The following ABCG1 variants were observed in gnomAD, a reference collection of about 807,000 sequenced individuals.
ABCG1 encodes ATP binding cassette subfamily G member 1.
A neutral mutation model predicts 69.2 loss-of-function variants in ABCG1; 29 were observed. The ratio of observed to expected loss-of-function variants is 0.42; its 90% CI spans 0.31 to 0.57. The LOEUF (loss-of-function observed/expected upper bound fraction) is 0.57. ABCG1 is among the 20% of genes least tolerant of loss of function. The pLI, the probability that ABCG1 is intolerant of heterozygous loss-of-function variation, is 0.15. For missense variants in ABCG1, 718 were observed against 898.1 expected (o/e 0.80, Z 2.56); for synonymous variants, 370 against 374.8 (o/e 0.99, Z 0.15).
At chr21:42,204,821 A>G (rs2067530949) in intron 2 of ABCG1, among the ~76,000 whole-genome samples, 1 of 152,188 alleles carries the variant, frequency 6.6e-6, no homozygotes, top group Non-Finnish European at 1.5e-5. Flanking sequence ...GATCAACTAT[A>G]GTATTTTTTA....
chr21:42,213,644 C>A (rs1309026259), upstream of ABCG1, among the ~76,000 whole-genome samples: 1 of 152,244 alleles, frequency 6.6e-6, no homozygotes, highest in Non-Finnish European at 1.5e-5. Context: ...CCCAGCAAAC[C>A]CATGTAGGAG....
At chr21:42,295,313 A>G in intron 14 of ABCG1, 1 of 123,276 alleles carries the variant, frequency 8.1e-6, no homozygotes, top group East Asian at 2.8e-4. Context: ...CCTAGGTGAC[A>G]GAGTGAGACT....
chr21:42,285,508 A>T (rs892836953), intron 7 of ABCG1, among the ~76,000 whole-genome samples: 2 of 151,280 alleles, frequency 1.3e-5, no homozygotes, highest in Admixed American at 1.3e-4. Context: ...CCTGTATCAA[A>T]AAAAAAAAAA....
At chr21:42,277,529 GGGAGCAGCAGAAAGCCACACAGAGGAA>G (rs1489377244) in intron 5 of ABCG1, among the ~76,000 whole-genome samples, 2 of 152,152 alleles carry the variant, frequency 1.3e-5, no homozygotes, top group Non-Finnish European at 2.9e-5. Context: ...CAGAGCCAGG[GGGAGCAGCAGAAAGCCACACAGAGGAA>G]GGAGGCCACC....
rs1189453107 is a variant in ABCG1 at position 42,287,980 on chromosome 21, A to G, written c.1065A>G (p.Arg355=). 2 of 1,613,600 alleles carry G rather than the reference A, an allele frequency of 1.2e-6. No homozygotes were observed. The highest frequency in any genetic ancestry group is 1.7e-6 in the Non-Finnish European group (2 of 1,179,762). Residue 355 remains arginine, a synonymous_variant, in exon 9 of 15, where the codon AGA becomes AGG. Coordinates refer to ENST00000398449, the MANE Select transcript of ABCG1 (RefSeq NM_016818.3). This position sits in a 1 kb window ranked among gnomAD's most constrained non-coding sequence, Gnocchi z 6.2. ...GCATGTGTGACTCAGACCACAAGAG[A>G]GACCTCGGGGGTGATGCCGAGGTGA... is the stretch of plus-strand genomic sequence containing the variant. The part of the protein sequence containing the change: ...REGMCDSDHK[R]DLGGDAEVNP...
intron 2 of ABCG1, among the ~76,000 whole-genome samples, chr21:42,205,018 GTTTT>G (rs746194754): frequency 7.4e-6 from 1 of 135,252 alleles, no homozygotes; most frequent in African/African-American, 2.7e-5. Context: ...TGTTTTTGTT[GTTTT>G]TTTTTTTTTG....
chr21:42,252,269 G>T (rs1433163313), intron 2 of ABCG1, among the ~76,000 whole-genome samples: 3 of 152,160 alleles, frequency 2.0e-5, no homozygotes, highest in African/African-American at 7.2e-5. Flanking sequence ...AAATCTCCCT[G>T]TGCCTACCAT....
rs2069169649 is a variant in ABCG1 at position 42,294,693 on chromosome 21, C to T, written c.1772+33C>T. ...GCGTGGGGCACGCATGGCGTGGGGA[C>T]CGAGGGTGACGGGGGAAGAACCGTC... On this transcript the variant is annotated intron_variant, in intron 14 of 14. Transcript: ENST00000398449. 4 of 1,588,312 alleles carry T rather than the reference C, an allele frequency of 2.5e-6. No individual in the cohort carries two copies. In the Admixed American group the frequency reaches 6.7e-5, roughly 26 times the overall value.
At chr21:42,266,257 C>A (rs573538721) in intron 2 of ABCG1, among the ~76,000 whole-genome samples, 16 of 152,030 alleles carry the variant, frequency 1.1e-4, no homozygotes, top group African/African-American at 3.9e-4. Context: ...GCCGAGATTG[C>A]GCCACTGCAC....
upstream of ABCG1, among the ~76,000 whole-genome samples, chr21:42,211,521 CA>C (rs2067589165): frequency 6.6e-6 from 1 of 152,092 alleles, no homozygotes; most frequent in East Asian, 1.9e-4. Flanking sequence ...TGCTATGATC[CA>C]AATGTTGGTA....
At chr21:42,210,962 T>C (rs12626538) in intron 2 of ABCG1, among the ~76,000 whole-genome samples, 12,260 of 143,330 alleles carry the variant, frequency 0.086, 660 homozygotes, top group East Asian at 0.22. Flanking sequence ...CTTTCTTCTT[T>C]TTTTTTTTTT....
rs139924201 is a variant in ABCG1, at chr21:42,209,212, G to A, written c.48+7489G>A. Among the ~76,000 whole-genome samples the A allele has an allele frequency of 6.7e-3, 1,028 of 152,338 alleles. 17 individuals are homozygous for A. The highest frequency in any genetic ancestry group is 0.024 in the African/African-American group (978 of 41,558). On this transcript the variant is annotated intron_variant, in intron 2 of 15. Coordinates refer to the ABCG1 transcript ENST00000398457. ...TGGAGGAGCTGCCTCTGAGGGACCA[G>A]GCACAGATCATCTGACTGATAGAAA...
chr21:42,291,433 C>A lies in ABCG1; in HGVS notation c.1495-65C>A, dbSNP rs1280666330. 1.9e-6 allele frequency: 3 copies of A among 1,563,396 alleles called. No homozygotes were observed. The highest frequency in any genetic ancestry group is 2.7e-5 in the African/African-American group (2 of 74,108). Reference sequence around the variant, plus strand: ...CGGGGAAGGGCTGGCTGCCCAGGAGCTTTGCTGTTGGCCTGCTGTGGTGGG... The same window carrying A: ...CGGGGAAGGGCTGGCTGCCCAGGAGATTTGCTGTTGGCCTGCTGTGGTGGG... On this transcript the variant is annotated intron_variant, in intron 12 of 14. Transcript: ENST00000398449. This position sits in a 1 kb window ranked among gnomAD's most constrained non-coding sequence, Gnocchi z 6.4.
chr21:42,295,912 G>A (rs3788010), intron 14 of ABCG1, among the ~76,000 whole-genome samples: 75,670 of 151,990 alleles, frequency 0.5, 20,545 homozygotes, highest in Non-Finnish European at 0.59. Context: ...AATATGTACC[G>A]CTCATTCAAC....
In ABCG1 at chr21:42,269,951, T is replaced by C. The variant is rs569339728; in HGVS notation, c.287-1119T>C. Reference sequence around the variant, plus strand: ...GATTCTTGATCATTTAACAGTGGATTCTGATCTGATACTACACTGAGAAGT... The same window carrying C: ...GATTCTTGATCATTTAACAGTGGATCCTGATCTGATACTACACTGAGAAGT... On this transcript the variant is annotated intron_variant, in intron 2 of 14. Transcript: ENST00000398449. Among the ~76,000 whole-genome samples, 14 of 152,262 alleles carry C rather than the reference T, an allele frequency of 9.2e-5. No homozygotes were observed. The South Asian group carries it at 2.9e-3, about 32-fold the overall frequency.
chr21:42,284,749 A>C, intron 7 of ABCG1, 66 bp downstream of exon 7: 3 of 1,557,024 alleles, frequency 1.9e-6, no homozygotes, highest in Non-Finnish European at 1.7e-6. Flanking sequence ...AATGACACCA[A>C]ACCCTGGGTA....
intron 2 of ABCG1, among the ~76,000 whole-genome samples, chr21:42,258,098 C>G (rs1389610899): frequency 2.3e-5 from 2 of 86,352 alleles, no homozygotes; most frequent in African/African-American, 1.1e-4. Flanking sequence ...CACACTTTTC[C>G]CCATCCACTC....
intron 2 of ABCG1, among the ~76,000 whole-genome samples, chr21:42,253,027 G>A (rs566741895): frequency 1.2e-4 from 19 of 152,270 alleles, no homozygotes; most frequent in Middle Eastern, 6.8e-3. Context: ...GTCTCGGCAC[G>A]CCTGGATGCC....
chr21:42,209,863 G>A (rs74330027), intron 2 of ABCG1, among the ~76,000 whole-genome samples: 2,174 of 152,336 alleles, frequency 0.014, 56 homozygotes, highest in African/African-American at 0.049. Context: ...TGAGGTCACA[G>A]GGGCACAGAG....
Sources: gnomAD v4.1 joint callset for allele counts (sites outside exome capture counted in the v4.1 genomes callset) on GRCh38, gnomAD v4.1.1 for gene constraint, Gnocchi (gnomAD v3.1) non-coding constraint, MANE v1.5 for transcripts, NCBI Gene and HGNC (gene_info 2026-07-23, HGNC 2026-07-21) for gene names.